CD36: variants seen among roughly 807,000 people sequenced by gnomAD.
The protein encoded by CD36 is CD36 molecule (CD36 blood group), also known as platelet glycoprotein 4.
CD36 carries 119 observed loss-of-function variants against 55.2 expected under a neutral mutation model. The ratio of observed to expected loss-of-function variants is 2.15; its 90% CI spans 1.86 to 2.51. The LOEUF (loss-of-function observed/expected upper bound fraction) is 2.51. CD36 is among the 30% of genes most tolerant of loss of function. The probability of loss-of-function intolerance (pLI) is 0.00; values close to 1 mark genes in which losing one functional copy is unlikely to be tolerated. For missense variants in CD36, 819 were observed against 555.5 expected (o/e 1.47, Z -4.77); for synonymous variants, 186 against 193.6 (o/e 0.96, Z 0.33).
intron 1 of CD36, among the ~76,000 whole-genome samples, chr7:80,645,508 T>C (rs1189130392): frequency 6.6e-6 from 1 of 151,756 alleles, no homozygotes; most frequent in African/African-American, 2.4e-5. Context: ...GGCGTGCACC[T>C]GTAATCCCAG....
chr7:80,646,611 G>T, intron 2 of CD36, 41 bp from the exon 3 acceptor site: 1 of 1,086,822 alleles, frequency 9.2e-7, no homozygotes, highest in South Asian at 1.3e-5. Context: ...TTTTTGTACT[G>T]ATATTTAAGC....
intron 1 of CD36, among the ~76,000 whole-genome samples, chr7:80,616,997 T>C (rs1033825805): frequency 2.0e-5 from 3 of 152,176 alleles, no homozygotes; most frequent in African/African-American, 7.2e-5. Flanking sequence ...TCAAGGAGAA[T>C]TGTGGCTAAA....
intron 4 of CD36, among the ~76,000 whole-genome samples, chr7:80,660,228 G>T (rs189834099): frequency 6.6e-6 from 1 of 152,090 alleles, no homozygotes; most frequent in African/African-American, 2.4e-5. Flanking sequence ...CCTTCACCGC[G>T]TTCCTAAAAT....
upstream of CD36, among the ~76,000 whole-genome samples, chr7:80,636,047 G>A (rs1794376212): frequency 6.6e-6 from 1 of 152,094 alleles, no homozygotes; most frequent in Non-Finnish European, 1.5e-5. Context: ...GAATTAAACA[G>A]ACAAGCATCC....
intron 1 of CD36, among the ~76,000 whole-genome samples, chr7:80,605,211 A>C (rs1443381388): frequency 1.3e-5 from 2 of 152,182 alleles, no homozygotes; most frequent in Non-Finnish European, 2.9e-5. Flanking sequence ...TATCTTTCAC[A>C]TACCTTTATT....
intron 1 of CD36, among the ~76,000 whole-genome samples, chr7:80,620,012 G>A (rs921227125): frequency 3.9e-5 from 6 of 152,172 alleles, no homozygotes; most frequent in Non-Finnish European, 5.9e-5. Context: ...AGCAAAGAAA[G>A]TGTTTTTGTT....
chr7:80,673,721 A>ATAAG (rs990767722), intron 13 of CD36: 12 of 567,048 alleles, frequency 2.1e-5, no homozygotes, highest in African/African-American at 1.3e-4. Context: ...AAAACATTGA[A>ATAAG]TAAGTCTTTG....
chr7:80,645,371 C>T (rs915307266), intron 1 of CD36, among the ~76,000 whole-genome samples: 9 of 151,438 alleles, frequency 5.9e-5, no homozygotes, highest in East Asian at 2.0e-4. Flanking sequence ...TGGTGGCTCA[C>T]GCCTGTCATC....
At chr7:80,654,445 A>G (rs770304747) in intron 3 of CD36, among the ~76,000 whole-genome samples, 9 of 152,186 alleles carry the variant, frequency 5.9e-5, no homozygotes, top group Non-Finnish European at 8.8e-5. Context: ...TGTGAGGAGA[A>G]TAATGTTTGT....
chr7:80,648,623 C>T (rs1446810341), intron 3 of CD36, among the ~76,000 whole-genome samples: 2 of 151,882 alleles, frequency 1.3e-5, no homozygotes, highest in Non-Finnish European at 2.9e-5. Flanking sequence ...AATATAATCT[C>T]ATCTATTGTA....
upstream of CD36, among the ~76,000 whole-genome samples, chr7:80,634,058 CT>C (rs980793998): frequency 2.6e-5 from 4 of 151,358 alleles, no homozygotes; most frequent in South Asian, 2.1e-4. Context: ...ATAAATGTAT[CT>C]TTTTTTTTCT....
intron 1 of CD36, among the ~76,000 whole-genome samples, chr7:80,610,932 G>A (rs1346383928): frequency 1.3e-5 from 2 of 151,998 alleles, no homozygotes; most frequent in African/African-American, 4.8e-5. Flanking sequence ...CTGGAGTGCA[G>A]TGGCACAATC....
intron 3 of CD36, 135 bp from the exon 4 acceptor site, chr7:80,656,405 G>T: frequency 1.4e-6 from 1 of 702,628 alleles, no homozygotes; most frequent in Non-Finnish European, 2.5e-6. Context: ...GTATGGTAAG[G>T]TTGCAAAGGT....
upstream of CD36, among the ~76,000 whole-genome samples, chr7:80,636,442 C>T (rs553291914): frequency 1.3e-5 from 2 of 150,928 alleles, no homozygotes; most frequent in Admixed American, 1.3e-4. Flanking sequence ...AAGCAGTTAA[C>T]TTCCAATTAC....
intron 3 of CD36, among the ~76,000 whole-genome samples, chr7:80,651,369 A>G (rs1230915947): frequency 1.3e-5 from 2 of 152,140 alleles, no homozygotes; most frequent in East Asian, 1.9e-4. Flanking sequence ...AAACTTGCAC[A>G]TGTACCTCTG....
At chr7:80,608,426 G>A (rs1166731191) in intron 1 of CD36, among the ~76,000 whole-genome samples, 1 of 152,096 alleles carries the variant, frequency 6.6e-6, no homozygotes, top group East Asian at 1.9e-4. Context: ...TTGTACCTCT[G>A]CTTCCCTATC....
At chr7:80,618,584 C>A (rs547819589) in intron 1 of CD36, among the ~76,000 whole-genome samples, 1 of 152,272 alleles carries the variant, frequency 6.6e-6, no homozygotes, top group East Asian at 1.9e-4. Flanking sequence ...AGTGAACACA[C>A]AAAGGATAAG....
chr7:80,602,253 G>A (rs1185505591), exon 1 of CD36: 1 of 152,130 alleles, frequency 6.6e-6, no homozygotes, highest in Non-Finnish European at 1.5e-5. Flanking sequence ...GAGAGCCTGT[G>A]CCTCATTTCT....
At chr7:80,627,198 A>T (rs1483214311) in intron 1 of CD36, among the ~76,000 whole-genome samples, 2 of 151,990 alleles carry the variant, frequency 1.3e-5, no homozygotes, top group African/African-American at 2.4e-5. Context: ...TATATTTTAA[A>T]TTTTTTCTTT....
Sources: gnomAD v4.1 joint callset for allele counts (sites outside exome capture counted in the v4.1 genomes callset) on GRCh38, gnomAD v4.1.1 for gene constraint, MANE v1.5 for transcripts, NCBI Gene and HGNC (gene_info 2026-07-23, HGNC 2026-07-21) for gene names.